NINL: variants seen among roughly 807,000 people sequenced by gnomAD.
The protein encoded by NINL is ninein-like protein.
Under a neutral mutation model 160.3 loss-of-function variants are expected in NINL, and 153 were observed. That is an observed-to-expected ratio of 0.95 (90% CI 0.84 to 1.09). NINL has a LOEUF of 1.09. Among genes scored for constraint, NINL ranks in the 50% least tolerant of loss-of-function variants. The pLI, the probability that NINL is intolerant of heterozygous loss-of-function variation, is 0.00. For synonymous variants in NINL, 800 were observed against 734.8 expected (o/e 1.09, Z -1.43); for missense variants, 1,829 against 1,764.0 (o/e 1.04, Z -0.66).
chr20:25,578,282 A>G (rs181589608), intron 1 of NINL, among the ~76,000 whole-genome samples: 1 of 151,014 alleles, frequency 6.6e-6, no homozygotes, highest in African/African-American at 2.4e-5. Context: ...TAATTTTTCT[A>G]TTTTTGGTAG....
intron 1 of NINL, among the ~76,000 whole-genome samples, chr20:25,563,082 C>T (rs948979987): frequency 2.6e-5 from 4 of 152,160 alleles, no homozygotes; most frequent in African/African-American, 4.8e-5. Flanking sequence ...AGGAGAATGG[C>T]GTGAACCTGG....
intron 7 of NINL, 113 bp from the exon 8 acceptor site, chr20:25,501,123 G>C: frequency 7.4e-7 from 1 of 1,359,072 alleles, no homozygotes; most frequent in Middle Eastern, 2.3e-4. Flanking sequence ...CACAGGAACA[G>C]CTCATGAGAC....
At chr20:25,555,138 C>T (rs1050031554) in intron 1 of NINL, among the ~76,000 whole-genome samples, 1 of 152,184 alleles carries the variant, frequency 6.6e-6, no homozygotes, top group African/African-American at 2.4e-5. Context: ...AGGGAATAAT[C>T]TTCCTCATGG....
intron 1 of NINL, among the ~76,000 whole-genome samples, chr20:25,562,074 G>T (rs561640336): frequency 0.038 from 5,423 of 141,016 alleles, 120 homozygotes; most frequent in Middle Eastern, 0.087. Flanking sequence ...GGAGGCAGGT[G>T]GGGGGGTCAG....
intron 7 of NINL, among the ~76,000 whole-genome samples, chr20:25,501,487 G>A (rs1024589484): frequency 1.3e-5 from 2 of 152,148 alleles, no homozygotes; most frequent in African/African-American, 2.4e-5. Context: ...AGGCAGAGGC[G>A]CACACACCCC....
intron 21 of NINL, among the ~76,000 whole-genome samples, chr20:25,459,660 C>A (rs764996504): frequency 6.6e-6 from 1 of 152,154 alleles, no homozygotes; most frequent in Non-Finnish European, 1.5e-5. Context: ...GGCTCTGATG[C>A]TTGCAGGTCC....
intron 14 of NINL, among the ~76,000 whole-genome samples, 190 bp from the exon 15 acceptor site, chr20:25,480,457 G>A (rs1490992736): frequency 6.6e-6 from 1 of 152,194 alleles, no homozygotes; most frequent in East Asian, 1.9e-4. Context: ...AGAACACTCA[G>A]AGATGAGACT....
chr20:25,549,339 C>T (rs533114397), intron 1 of NINL, among the ~76,000 whole-genome samples: 148 of 151,278 alleles, frequency 9.8e-4, no homozygotes, highest in Non-Finnish European at 1.8e-3. Context: ...AGCTCCCATA[C>T]CCAGCTTCAT....
chr20:25,512,149 C>G (rs1453978441), intron 4 of NINL, among the ~76,000 whole-genome samples: 2 of 152,180 alleles, frequency 1.3e-5, no homozygotes, highest in African/African-American at 4.8e-5. Flanking sequence ...ACCCAGGGAG[C>G]CTGGGGGACA....
chr20:25,515,406 G>A (rs2064142789), intron 3 of NINL, among the ~76,000 whole-genome samples: 1 of 152,186 alleles, frequency 6.6e-6, no homozygotes, highest in African/African-American at 2.4e-5. Flanking sequence ...TACCTATCTA[G>A]TTTTTTATTC....
At chr20:25,518,634 C>G (rs893270303) in intron 2 of NINL, among the ~76,000 whole-genome samples, 4 of 152,084 alleles carry the variant, frequency 2.6e-5, no homozygotes, top group Non-Finnish European at 5.9e-5. Context: ...CAAACTTTAT[C>G]CTTTAACTTA....
chr20:25,461,584 G>C lies in NINL; in HGVS notation c.3634C>G (p.His1212Asp). ...GACCATGGCAGCTGCAGGCTCTGAT[G>C]TTCCTGATTCAGGCATTCAAGTTCA... ...RVELECLNQEHQSLQLPWSEL... is the reference protein window; with the variant it reads ...RVELECLNQEDQSLQLPWSEL... The change falls in exon 21 of 24, where the codon CAT becomes GAT. Residue 1212 changes from histidine to aspartate, a missense_variant. Physicochemically the swap from His to Asp is moderately conservative, Grantham distance 81. Transcript: ENST00000278886. 4.3e-6 allele frequency: 7 copies of C among 1,610,220 alleles called. No individual in the cohort carries two copies. The highest frequency in any genetic ancestry group is 5.9e-6 in the Non-Finnish European group (7 of 1,178,810).
At chr20:25,547,632 C>T (rs1026269306) in intron 1 of NINL, among the ~76,000 whole-genome samples, 1 of 152,200 alleles carries the variant, frequency 6.6e-6, no homozygotes, top group South Asian at 2.1e-4. Context: ...GGAAAGACCA[C>T]GTTTGGTGTT....
intron 1 of NINL, among the ~76,000 whole-genome samples, chr20:25,557,707 G>A (rs1020351756): frequency 1.3e-5 from 2 of 152,020 alleles, no homozygotes; most frequent in Admixed American, 6.6e-5. Flanking sequence ...AATTCCACAA[G>A]CATATTTGGA....
intron 1 of NINL, among the ~76,000 whole-genome samples, chr20:25,561,139 T>C (rs1371991879): frequency 6.6e-6 from 1 of 151,980 alleles, no homozygotes; most frequent in Non-Finnish European, 1.5e-5. Context: ...CCTCCCTGCC[T>C]GATTCTCCTG....
intron 18 of NINL, among the ~76,000 whole-genome samples, chr20:25,468,673 T>A (rs1426763299): frequency 3.0e-3 from 117 of 39,364 alleles, no homozygotes; most frequent in South Asian, 7.9e-3. Context: ...TGGGTGCCCC[T>A]CTGCCCTGTC....
chr20:25,523,433 T>C (rs1352727164), intron 2 of NINL, among the ~76,000 whole-genome samples: 2 of 151,938 alleles, frequency 1.3e-5, no homozygotes, highest in Non-Finnish European at 2.9e-5. Context: ...AAGATTCTTC[T>C]GTAGAGACGA....
intron 3 of NINL, among the ~76,000 whole-genome samples, chr20:25,516,742 C>A (rs1396794741): frequency 6.6e-6 from 1 of 152,164 alleles, no homozygotes; most frequent in Non-Finnish European, 1.5e-5. Context: ...GGGGCTGACT[C>A]TGAACCCAAG....
chr20:25,581,577 G>T (rs1047255502), intron 1 of NINL, among the ~76,000 whole-genome samples: 1 of 152,198 alleles, frequency 6.6e-6, no homozygotes, highest in Non-Finnish European at 1.5e-5. Flanking sequence ...GTCATTAGTG[G>T]TTTAAATGAT....
Sources: gnomAD v4.1 joint callset for allele counts (sites outside exome capture counted in the v4.1 genomes callset) on GRCh38, gnomAD v4.1.1 for gene constraint, MANE v1.5 for transcripts, NCBI Gene and HGNC (gene_info 2026-07-23, HGNC 2026-07-21) for gene names.